Variants in MCTP1 observed in about 807,000 individuals in gnomAD.
The protein encoded by MCTP1 is multiple C2 and transmembrane domain containing 1.
Under a neutral mutation model 120.6 loss-of-function variants are expected in MCTP1, and 69 were observed. The observed-to-expected ratio is 0.57, with a 90% CI of 0.47 to 0.70. The LOEUF is 0.70. Ranked by LOEUF, MCTP1 falls within the 30% of genes least tolerant of loss-of-function variation. The pLI is 0.00. For missense variants in MCTP1, 1,203 were observed against 1,248.8 expected (o/e 0.96, Z 0.55); for synonymous variants, 529 against 493.1 (o/e 1.07, Z -0.96).
chr5:94,822,272 A>G (rs932590552), intron 17 of MCTP1, among the ~76,000 whole-genome samples: 1 of 151,990 alleles, frequency 6.6e-6, no homozygotes, highest in Admixed American at 6.6e-5. Context: ...ATATGTTCTC[A>G]TTGTTCAACT....
Position 95,228,570 on chromosome 5 carries a change from G to A in MCTP1, c.720+55286C>T, listed in dbSNP as rs78938471. On this transcript the variant is annotated intron_variant, in intron 1 of 22. Coordinates refer to ENST00000515393, the MANE Select transcript of MCTP1 (RefSeq NM_024717.7). ...TATAAAATTTTAGCTGAGTCTTAAG[G>A]AGTGAGGAGAACCCAAATTAGTAGA... 2.6e-3 allele frequency among the ~76,000 whole-genome samples: 401 copies of A among 152,210 alleles called. 2 individuals carry two copies. Among genetic ancestry groups the A allele is most frequent in the African/African-American group, 8.8e-3 (365 of 41,516 alleles).
At position 94,743,327 on chromosome 5, in the gene MCTP1, A is replaced by AAG. The variant is rs540812624; in HGVS notation, c.2611-28443_2611-28442dup. ...TATTTCAATTCAATAAAAAAAAAAAAAGAGAGTCTATGATATGCCAAGCAC... is the reference window on the plus strand; with the variant it reads ...TATTTCAATTCAATAAAAAAAAAAAAAGAGAGAGTCTATGATATGCCAAGCAC... On this transcript the variant is annotated intron_variant, in intron 19 of 22. Coordinates refer to ENST00000515393, the MANE Select transcript of MCTP1 (RefSeq NM_024717.7). Among the ~76,000 whole-genome samples, 1,130 of 151,896 alleles carry AAG rather than the reference A, an allele frequency of 7.4e-3. 10 individuals carry two copies. Among genetic ancestry groups the AAG allele is most frequent in the Middle Eastern group, 0.01 (3 of 294 alleles).
intron 19 of MCTP1, among the ~76,000 whole-genome samples, chr5:94,740,521 T>C (rs1303208676): frequency 2.0e-5 from 3 of 152,198 alleles, no homozygotes; most frequent in Admixed American, 6.5e-5. Flanking sequence ...GTTTTCCTAG[T>C]GAACAAGCTG....
intron 9 of MCTP1, among the ~76,000 whole-genome samples, chr5:94,912,371 G>T (rs1808876867): frequency 1.5e-5 from 2 of 135,140 alleles, no homozygotes; most frequent in South Asian, 4.9e-4. Context: ...GTTGCAGTGA[G>T]CCAAGATCAT....
At chr5:94,716,113 CTG>C (rs1012458241) in intron 19 of MCTP1, among the ~76,000 whole-genome samples, 5 of 152,226 alleles carry the variant, frequency 3.3e-5, no homozygotes, top group African/African-American at 1.2e-4. Flanking sequence ...ACAGGGTACA[CTG>C]GGACCAAGGA....
chr5:94,844,073 C>T (rs550369148), intron 17 of MCTP1, among the ~76,000 whole-genome samples: 8 of 151,994 alleles, frequency 5.3e-5, no homozygotes, highest in African/African-American at 9.6e-5. Flanking sequence ...GAGGCAGAGG[C>T]GGATGGATCA....
At chr5:94,815,740 G>A (rs778266521) in intron 17 of MCTP1, among the ~76,000 whole-genome samples, 4 of 152,148 alleles carry the variant, frequency 2.6e-5, no homozygotes, top group African/African-American at 4.8e-5. Context: ...CAGTCTTGAG[G>A]AGGCATACAA....
At chr5:95,121,936 C>CA (rs70978167) in intron 1 of MCTP1, among the ~76,000 whole-genome samples, 8,559 of 112,618 alleles carry the variant, frequency 0.076, 433 homozygotes, top group African/African-American at 0.16. Flanking sequence ...TATCCATATG[C>CA]AAAAAAAAAA....
rs115215823 is a variant in MCTP1, at chr5:95,030,396, C to A, written c.721-12912G>T. Among the ~76,000 whole-genome samples the A allele has an allele frequency of 2.2e-3, 332 of 152,334 alleles. 2 individuals are homozygous for A. Among genetic ancestry groups the A allele is most frequent in the African/African-American group, 7.9e-3 (329 of 41,566 alleles). The stretch of plus-strand genomic sequence containing the variant: ...CTGAAGCCTGAGCTGCACCACCCAA[C>A]ACAAAACCTGCTACCAGAGGGCTTA... On this transcript the variant is annotated intron_variant, in intron 1 of 22. Transcript: ENST00000515393.
intron 17 of MCTP1, among the ~76,000 whole-genome samples, chr5:94,864,563 C>T (rs767751039): frequency 6.2e-4 from 94 of 151,906 alleles, no homozygotes; most frequent in Non-Finnish European, 1.1e-3. Flanking sequence ...GTAGCACTAG[C>T]GCTCCGTTCC....
chr5:94,882,561 A>T (rs1022662962), intron 12 of MCTP1, among the ~76,000 whole-genome samples: 4 of 152,064 alleles, frequency 2.6e-5, no homozygotes, highest in African/African-American at 9.7e-5. Flanking sequence ...TTTAATTTTA[A>T]ACAATGATTC....
At chr5:95,257,396 G>T (rs975413676) in intron 1 of MCTP1, among the ~76,000 whole-genome samples, 9 of 152,008 alleles carry the variant, frequency 5.9e-5, no homozygotes, top group South Asian at 2.1e-4. Flanking sequence ...TAATTATAAG[G>T]TATATAATTC....
intron 2 of MCTP1, among the ~76,000 whole-genome samples, chr5:95,006,213 T>C (rs1834711390): frequency 6.6e-6 from 1 of 152,086 alleles, no homozygotes; most frequent in Non-Finnish European, 1.5e-5. Flanking sequence ...CCGCTATATA[T>C]GTATTATTCA....
At chr5:94,763,989 C>T (rs192455263) in intron 19 of MCTP1, among the ~76,000 whole-genome samples, 33 of 152,184 alleles carry the variant, frequency 2.2e-4, no homozygotes, top group African/African-American at 7.0e-4. Flanking sequence ...ATCATAGAGG[C>T]TTATAATCGA....
intron 1 of MCTP1, among the ~76,000 whole-genome samples, chr5:95,088,672 A>G (rs1755622113): frequency 6.6e-6 from 1 of 152,208 alleles, no homozygotes; most frequent in Non-Finnish European, 1.5e-5. Context: ...TTATTTCACT[A>G]TTTTTACACC....
At position 94,982,884 on chromosome 5, in the gene MCTP1, C is replaced by CAAAAAAAAAAAAAA. The variant is rs34561115; in HGVS notation, c.839-29537_839-29524dup. Among the ~76,000 whole-genome samples, 146 of 28,620 alleles carry CAAAAAAAAAAAAAA rather than the reference C, an allele frequency of 5.1e-3. 28 individuals carry two copies. Among genetic ancestry groups the CAAAAAAAAAAAAAA allele is most frequent in the Non-Finnish European group, 7.5e-3 (90 of 12,002 alleles). 18.8% of individuals were successfully genotyped at this position (28,620 alleles called of 152,430 possible). A position where few individuals can be genotyped will look rare whatever the true frequency, so the allele number is the denominator to read the frequency against. On this transcript the variant is annotated intron_variant, in intron 2 of 22. Transcript: ENST00000515393. Reference sequence around the variant, plus strand: ...ACCTGGGGGACAGAGCACACTTCATCAAAAAAAAAAAAAAAAAAAAAAAAA... The same window carrying CAAAAAAAAAAAAAA: ...ACCTGGGGGACAGAGCACACTTCATCAAAAAAAAAAAAAAAAAAAAAAAAAAAAAAAAAAAAAAA...
intron 17 of MCTP1, among the ~76,000 whole-genome samples, chr5:94,820,364 A>T (rs1007445914): frequency 1.3e-5 from 2 of 152,188 alleles, no homozygotes; most frequent in African/African-American, 4.8e-5. Context: ...GACTCACAGG[A>T]AGTTATAAGG....
At chr5:95,033,834 C>G (rs1040983543) in intron 1 of MCTP1, among the ~76,000 whole-genome samples, 5 of 152,036 alleles carry the variant, frequency 3.3e-5, no homozygotes, top group Non-Finnish European at 2.9e-5. Flanking sequence ...AAGATTCTGG[C>G]AAAAGGTTCC....
chr5:94,908,636 A>G (rs1807600236), intron 10 of MCTP1, among the ~76,000 whole-genome samples: 1 of 152,038 alleles, frequency 6.6e-6, no homozygotes, highest in Non-Finnish European at 1.5e-5. Context: ...CAAAAAATAT[A>G]AACATAGGCT....
Sources: allele counts gnomAD v4.1 joint callset (sites outside exome capture counted in the v4.1 genomes callset), GRCh38; gene constraint gnomAD v4.1.1; transcripts MANE v1.5; gene names NCBI Gene and HGNC (gene_info 2026-07-23, HGNC 2026-07-21).